ATP9A: variants seen among roughly 807,000 people sequenced by gnomAD.
ATP9A encodes the protein ATPase phospholipid transporting 9A, also known as probable phospholipid-transporting ATPase IIA.
A neutral mutation model predicts 144.1 loss-of-function variants in ATP9A; 52 were observed. The observed-to-expected ratio is 0.36, with a 90% CI of 0.29 to 0.45. ATP9A has a LOEUF of 0.45. Among genes scored for constraint, ATP9A ranks in the 20% least tolerant of loss-of-function variants. The probability of loss-of-function intolerance (pLI) is 1.00; values close to 1 mark genes in which losing one functional copy is unlikely to be tolerated. For synonymous variants in ATP9A, 582 were observed against 557.4 expected, an observed-to-expected ratio of 1.04 and a Z score of -0.62; for missense variants, 947 against 1,392.7, an observed-to-expected ratio of 0.68 and a Z score of 5.09.
intron 13 of ATP9A, among the ~76,000 whole-genome samples, chr20:51,658,888 C>CGGGGG (rs11477336): frequency 2.0e-4 from 11 of 54,846 alleles, no homozygotes; most frequent in African/African-American, 8.4e-4. Context: ...AGACCACTGG[C>CGGGGG]GGGGGGGGGG....
At chr20:51,658,846 G>C (rs2077398372) in intron 13 of ATP9A, among the ~76,000 whole-genome samples, 1 of 131,290 alleles carries the variant, frequency 7.6e-6, no homozygotes, top group Non-Finnish European at 1.5e-5. Flanking sequence ...TTGAAGAAAG[G>C]GTTCTACTGC....
Position 51,757,266 on chromosome 20 carries a change from C to T in ATP9A, c.68+11036G>A, listed in dbSNP as rs1310932675. On this transcript the variant is annotated intron_variant, in intron 1 of 27. Transcript: ENST00000338821. ...CTCCTGACCTTAAGTGAGCCACCCA[C>T]CTCGGCCTCCCAAAGTGCTGGGATT... Among the ~76,000 whole-genome samples the T allele has an allele frequency of 3.3e-5, 5 of 152,150 alleles. No homozygotes were observed. The South Asian group carries it at 1.0e-3, about 32-fold the overall frequency.
chr20:51,742,868 C>G (rs556978170), intron 1 of ATP9A, among the ~76,000 whole-genome samples: 1 of 152,226 alleles, frequency 6.6e-6, no homozygotes, highest in African/African-American at 2.4e-5. Context: ...AAAAAGTAGG[C>G]CCTGACAGGG....
rs187684128 is a variant in ATP9A, at chr20:51,689,173, C to A, written c.724-34G>T. The A allele has an allele frequency of 8.4e-5, 135 of 1,599,948 alleles. No homozygotes were observed. The African/African-American group carries it at 1.6e-3, about 19-fold the overall frequency. On this transcript the variant is annotated intron_variant, in intron 8 of 27. Coordinates refer to ENST00000338821, the MANE Select transcript of ATP9A (RefSeq NM_006045.3). The stretch of plus-strand genomic sequence containing the variant: ...GACCAAACGGACACACGTTCACCCC[C>A]CAAAGCTTCCCCAGAATCCACAGGC...
In ATP9A at chr20:51,656,251, C is replaced by T. The variant is rs369879565; in HGVS notation, c.1506+687G>A. Among the ~76,000 whole-genome samples the T allele has an allele frequency of 1.4e-4, 21 of 151,774 alleles. No individual in the cohort carries two copies. The East Asian group carries it at 3.7e-3, about 27-fold the overall frequency. The stretch of plus-strand genomic sequence containing the variant: ...AAAAAAAAATCCCAAAATATACTAA[C>T]TATATTAAGAAGCCATACTCACCAA... On this transcript the variant is annotated intron_variant, in intron 14 of 27. Coordinates refer to ENST00000338821, the MANE Select transcript of ATP9A (RefSeq NM_006045.3).
At chr20:51,726,422 G>A (rs1013152364) in intron 2 of ATP9A, among the ~76,000 whole-genome samples, 2 of 151,666 alleles carry the variant, frequency 1.3e-5, no homozygotes, top group Non-Finnish European at 2.9e-5. Context: ...AAACATACAT[G>A]GGTAATAAAA....
At chr20:51,706,913 A>G (rs760866356) in intron 4 of ATP9A, among the ~76,000 whole-genome samples, 15 of 152,162 alleles carry the variant, frequency 9.9e-5, no homozygotes, top group Non-Finnish European at 1.8e-4. Flanking sequence ...TGTACTGTAT[A>G]TGAATTCTTC....
chr20:51,601,379 G>A (rs1369833123), intron 27 of ATP9A, 32 bp from the exon 28 acceptor site: 1 of 1,581,150 alleles, frequency 6.3e-7, no homozygotes, highest in African/African-American at 1.3e-5. Context: ...GCAGTGAGCA[G>A]GCAGGAATAT....
At chr20:51,674,496 A>T (rs950483316) in intron 10 of ATP9A, among the ~76,000 whole-genome samples, 183 bp from the exon 11 acceptor site, 9 of 152,194 alleles carry the variant, frequency 5.9e-5, no homozygotes, top group African/African-American at 2.2e-4. Context: ...ATCGATCCTC[A>T]TATCTTTGGT....
At chr20:51,693,159 C>A (rs1457953078) in intron 7 of ATP9A, among the ~76,000 whole-genome samples, 2 of 152,216 alleles carry the variant, frequency 1.3e-5, no homozygotes, top group Non-Finnish European at 2.9e-5. Flanking sequence ...GAGAATACAA[C>A]AGGAAGAACC....
At position 51,744,098 on chromosome 20, in the gene ATP9A, G is replaced by GT. The variant is rs762951392; in HGVS notation, c.69-14121dup. Among the ~76,000 whole-genome samples, 5 of 152,258 alleles carry GT rather than the reference G, an allele frequency of 3.3e-5. No homozygotes were observed. The East Asian group carries it at 7.7e-4, about 24-fold the overall frequency. Reference sequence around the variant, plus strand: ...AACAGCCATTCAACTAGGTTAAAGTGTAAGTTTATAAATAACTTCGTTTAC... The same window carrying GT: ...AACAGCCATTCAACTAGGTTAAAGTGTTAAGTTTATAAATAACTTCGTTTAC... On this transcript the variant is annotated intron_variant, in intron 1 of 27. Transcript: ENST00000338821.
At chr20:51,700,866 G>C (rs541339174) in intron 4 of ATP9A, among the ~76,000 whole-genome samples, 20 of 152,198 alleles carry the variant, frequency 1.3e-4, no homozygotes, top group African/African-American at 4.8e-4. Flanking sequence ...GAAAGAAAGA[G>C]AGAAATGGGT....
chr20:51,749,649 T>C (rs1021182085), intron 1 of ATP9A, among the ~76,000 whole-genome samples: 1 of 152,232 alleles, frequency 6.6e-6, no homozygotes, highest in African/African-American at 2.4e-5. Context: ...TATTTATCTA[T>C]ATAAAGATGC....
rs367929740 is a variant in ATP9A, at chr20:51,618,753, C to T, written c.2259G>A (p.Pro753=). The T allele has an allele frequency of 1.4e-5, 23 of 1,609,218 alleles. No individual in the cohort carries two copies. Among genetic ancestry groups the T allele is most frequent in the East Asian group, 8.9e-5 (4 of 44,840 alleles). Residue 753 remains proline (P), a synonymous_variant, in exon 21 of 28, where the codon CCG becomes CCA. Coordinates refer to ENST00000338821, the MANE Select transcript of ATP9A (RefSeq NM_006045.3). The part of the protein sequence containing the change: ...YEFMELACQC[P]AVVCCRCAPT... The stretch of plus-strand genomic sequence containing the variant: ...GGGCACATCGGCAGCAGACTACGGC[C>T]GGGCACTGGCAGGCCAGCTCCATGA...
chr20:51,631,555 C>T (rs887083043), intron 15 of ATP9A, among the ~76,000 whole-genome samples: 1 of 152,142 alleles, frequency 6.6e-6, no homozygotes, highest in South Asian at 2.1e-4. Flanking sequence ...TCCCATGAGT[C>T]ACTTCCTCCC....
chr20:51,624,498 C>T (rs757817118), intron 18 of ATP9A, among the ~76,000 whole-genome samples: 1 of 152,064 alleles, frequency 6.6e-6, no homozygotes, highest in African/African-American at 2.4e-5. Flanking sequence ...AATGCTAATA[C>T]GACAGTGTGA....
At position 51,764,556 on chromosome 20, in the gene ATP9A, C is replaced by T. The variant is rs146376934; in HGVS notation, c.68+3746G>A. The stretch of plus-strand genomic sequence containing the variant: ...TTCTGTCCCCTATGACATGTGGCAT[C>T]GTTTTTGGTTTTTTTAACCACAAAT... On this transcript the variant is annotated intron_variant, in intron 1 of 27. Transcript: ENST00000338821. Among the ~76,000 whole-genome samples the T allele has an allele frequency of 6.3e-4, 96 of 152,300 alleles. 2 individuals are homozygous for T. The East Asian group carries it at 0.015, about 23-fold the overall frequency.
chr20:51,700,592 A>G (rs891114952), intron 4 of ATP9A, among the ~76,000 whole-genome samples: 1 of 152,242 alleles, frequency 6.6e-6, no homozygotes, highest in Admixed American at 6.5e-5. Context: ...ACACTTTGGG[A>G]GGCCGAGGCG....
intron 16 of ATP9A, among the ~76,000 whole-genome samples, chr20:51,628,209 C>T (rs562954773): frequency 1.3e-3 from 200 of 152,292 alleles, no homozygotes; most frequent in African/African-American, 4.7e-3. Context: ...GTTTGCAACC[C>T]TCAAACTGAG....
Sources: gnomAD v4.1 joint callset for allele counts (sites outside exome capture counted in the v4.1 genomes callset) on GRCh38, gnomAD v4.1.1 for gene constraint, MANE v1.5 for transcripts, NCBI Gene and HGNC (gene_info 2026-07-23, HGNC 2026-07-21) for gene names.